The following PPP3CC variants were observed in gnomAD, a reference collection of about 807,000 sequenced individuals.
The protein encoded by PPP3CC is protein phosphatase 3 catalytic subunit gamma, also known as serine/threonine-protein phosphatase 2B catalytic subunit gamma isoform.
Under a neutral mutation model 60.3 loss-of-function variants are expected in PPP3CC, and 35 were observed. The observed-to-expected ratio is 0.58, with a 90% CI of 0.44 to 0.77. The LOEUF (loss-of-function observed/expected upper bound fraction) is 0.77, where lower values mean the gene tolerates loss of function less well. Among genes scored for constraint, PPP3CC ranks in the 30% least tolerant of loss-of-function variants. The probability of loss-of-function intolerance (pLI) is 0.00; values close to 1 mark genes in which losing one functional copy is unlikely to be tolerated. For synonymous variants in PPP3CC, 206 were observed against 224.3 expected (o/e 0.92, Z 0.73); for missense variants, 570 against 628.9 (o/e 0.91, Z 1.00).
At chr8:22,526,820 C>T (rs1390507403) in intron 8 of PPP3CC, among the ~76,000 whole-genome samples, 4 of 152,228 alleles carry the variant, frequency 2.6e-5, no homozygotes, top group Middle Eastern at 3.4e-3. Flanking sequence ...TTGGAGAAAT[C>T]GGCAATTTTA....
At chr8:22,492,860 C>A in intron 3 of PPP3CC, 1 of 1,048,680 alleles carries the variant, frequency 9.5e-7, no homozygotes, top group Non-Finnish European at 1.5e-6. Flanking sequence ...TGCCAGCAAA[C>A]TCTTTCACCA....
At chr8:22,491,574 A>G (rs930418927) in intron 3 of PPP3CC, among the ~76,000 whole-genome samples, 1 of 152,194 alleles carries the variant, frequency 6.6e-6, no homozygotes, top group South Asian at 2.1e-4. Flanking sequence ...GTCACTATAC[A>G]TTGCCCTTTA....
intron 12 of PPP3CC, among the ~76,000 whole-genome samples, chr8:22,533,220 GC>G (rs1411225739): frequency 1.3e-5 from 2 of 152,170 alleles, no homozygotes; most frequent in African/African-American, 2.4e-5. Context: ...AGTGTAAAAA[GC>G]AAAACAGTAA....
rs75649413 is a variant in PPP3CC at position 22,501,876 on chromosome 8, C to T, written c.484+3764C>T. Among the ~76,000 whole-genome samples the T allele has an allele frequency of 1.3e-3, 204 of 152,184 alleles. 4 individuals carry two copies. In the East Asian group the frequency reaches 0.022, roughly 16 times the overall value. On this transcript the variant is annotated intron_variant, in intron 4 of 13. Coordinates refer to ENST00000240139, the MANE Select transcript of PPP3CC (RefSeq NM_005605.5). ...AAAAGAAAATTAAAAAACTAGAATT[C>T]AGTCAGCCTGCATGGTGGTACAAGC...
chr8:22,493,031 T>G (rs1838454516), intron 3 of PPP3CC: 1 of 1,352,006 alleles, frequency 7.4e-7, no homozygotes, highest in African/African-American at 1.4e-5. Flanking sequence ...AGGATGACGA[T>G]GAAGTTCCAG....
rs1662697417 is a variant in PPP3CC at position 22,539,483 on chromosome 8, G to C, written c.1336G>C (p.Val446Leu). The C allele has an allele frequency of 6.2e-7, 1 of 1,614,032 alleles. No individual in the cohort carries two copies. Among genetic ancestry groups the C allele is most frequent in the African/African-American group, 1.3e-5 (1 of 75,020 alleles). Residue 446 changes from valine (V) to leucine (L), a missense_variant, in exon 13 of 14, where the codon GTA becomes CTA. Val to Leu is a conservative substitution (Grantham distance 32). Coordinates refer to ENST00000240139, the MANE Select transcript of PPP3CC (RefSeq NM_005605.5). ...QTIETATVEAVEAREAIRGFS... is the reference protein window; with the variant it reads ...QTIETATVEALEAREAIRGFS... ...CCCTCTTACAGCCACAGTAGAAGCG[G>C]TAGAGGCCCGGGAAGGTATGGCCAT... is the stretch of plus-strand genomic sequence containing the variant.
intron 4 of PPP3CC, among the ~76,000 whole-genome samples, chr8:22,506,524 CAT>C (rs1450043404): frequency 3.9e-5 from 6 of 152,266 alleles, no homozygotes; most frequent in South Asian, 4.1e-4. Context: ...AGAGAAGAAA[CAT>C]ATATGTCTGC....
At chr8:22,501,954 G>A (rs1037573198) in intron 4 of PPP3CC, among the ~76,000 whole-genome samples, 1 of 152,202 alleles carries the variant, frequency 6.6e-6, no homozygotes, top group South Asian at 2.1e-4. Flanking sequence ...TTGAGCCTGG[G>A]TGTTTGAGAT....
intron 1 of PPP3CC, among the ~76,000 whole-genome samples, chr8:22,458,492 G>A (rs745407872): frequency 1.3e-4 from 20 of 151,892 alleles, no homozygotes; most frequent in Non-Finnish European, 2.2e-4. Context: ...TAGCTACTTG[G>A]GAGGCTGAGA....
chr8:22,450,025 C>A (rs918728696), intron 1 of PPP3CC, among the ~76,000 whole-genome samples: 6 of 151,962 alleles, frequency 3.9e-5, no homozygotes, highest in African/African-American at 1.4e-4. Flanking sequence ...CGCCACCACA[C>A]CCAGCTAATT....
chr8:22,532,846 ACTTCCTTC>A, intron 11 of PPP3CC, 67 bp from the exon 12 acceptor site: 1 of 1,026,400 alleles, frequency 9.7e-7, no homozygotes, highest in South Asian at 2.1e-5. Flanking sequence ...GTCTTTCTTC[ACTTCCTTC>A]AATATCTTTA....
intron 1 of PPP3CC, among the ~76,000 whole-genome samples, chr8:22,457,425 C>CT (rs1837236118): frequency 6.6e-6 from 1 of 151,886 alleles, no homozygotes; most frequent in Admixed American, 6.6e-5. Context: ...GCCTCAGCCT[C>CT]TGGAGTAGCT....
intron 4 of PPP3CC, among the ~76,000 whole-genome samples, chr8:22,509,839 C>A (rs570586886): frequency 3.9e-4 from 59 of 152,216 alleles, no homozygotes; most frequent in African/African-American, 1.3e-3. Context: ...GTAGCTTGGA[C>A]AGCAGGTGTG....
chr8:22,506,835 G>A (rs191178200), intron 4 of PPP3CC, among the ~76,000 whole-genome samples: 11 of 152,030 alleles, frequency 7.2e-5, no homozygotes, highest in African/African-American at 2.7e-4. Context: ...CCAGCTACTC[G>A]GGAGGCTGAG....
chr8:22,470,901 A>G (rs1030950494), intron 1 of PPP3CC, among the ~76,000 whole-genome samples: 1 of 152,204 alleles, frequency 6.6e-6, no homozygotes, highest in Non-Finnish European at 1.5e-5. Context: ...GTATATACCT[A>G]AGAGAAAAGA....
intron 3 of PPP3CC, among the ~76,000 whole-genome samples, chr8:22,491,303 C>T (rs994472941): frequency 1.4e-4 from 21 of 152,304 alleles, no homozygotes; most frequent in African/African-American, 5.1e-4. Context: ...ACCAGCAGCA[C>T]TGAAGAATTC....
At chr8:22,491,353 C>T (rs1838400407) in intron 3 of PPP3CC, among the ~76,000 whole-genome samples, 2 of 152,084 alleles carry the variant, frequency 1.3e-5, no homozygotes, top group Non-Finnish European at 1.5e-5. Flanking sequence ...ATGATTTTAT[C>T]TCATATTATA....
rs1839618631 is a variant in PPP3CC at position 22,528,485 on chromosome 8, G to A, written c.1070-21G>A. The A allele has an allele frequency of 2.0e-6, 3 of 1,473,150 alleles. No individual in the cohort carries two copies. In the South Asian group the frequency reaches 4.6e-5, roughly 23 times the overall value. The allele number at this position is 1,473,150 out of a possible 1,614,324, so 91.3% of individuals were successfully genotyped here. A position where few individuals can be genotyped will look rare whatever the true frequency, so the allele number is the denominator to read the frequency against. On this transcript the variant is annotated intron_variant, in intron 9 of 13. Transcript: ENST00000240139. ...GTACCTCATTAATCGCGTAAATTTT[G>A]GATTATTTTGTCTTACTTAGTCACA... is the stretch of plus-strand genomic sequence containing the variant.
At chr8:22,442,004 G>A (rs1836688536) in intron 1 of PPP3CC, among the ~76,000 whole-genome samples, 1 of 152,196 alleles carries the variant, frequency 6.6e-6, no homozygotes. Context: ...CGGAGCTCTT[G>A]ACAGGGTAAT....
Sources: allele counts gnomAD v4.1 joint callset (sites outside exome capture counted in the v4.1 genomes callset), GRCh38; gene constraint gnomAD v4.1.1; transcripts MANE v1.5; gene names NCBI Gene and HGNC (gene_info 2026-07-23, HGNC 2026-07-21).